MAP2: variants seen among roughly 807,000 people sequenced by gnomAD.
MAP2 encodes the protein microtubule-associated protein 2.
MAP2 carries 14 observed loss-of-function variants against 137.6 expected under a neutral mutation model. That is an observed-to-expected ratio of 0.10 (90% CI 0.07 to 0.16). MAP2 has a LOEUF of 0.16. Among genes scored for constraint, MAP2 ranks in the 10% least tolerant of loss-of-function variants. The probability of loss-of-function intolerance (pLI) is 1.00; values close to 1 mark genes in which losing one functional copy is unlikely to be tolerated. For missense variants in MAP2, 2,088 were observed against 2,191.5 expected (o/e 0.95, Z 0.94); for synonymous variants, 786 against 782.3 (o/e 1.00, Z -0.08).
intron 1 of MAP2, among the ~76,000 whole-genome samples, chr2:209,456,212 A>G (rs1457983602): frequency 1.3e-5 from 2 of 152,218 alleles, no homozygotes; most frequent in African/African-American, 4.8e-5. Flanking sequence ...GAAAGGATTT[A>G]TAAGATCTTC....
At chr2:209,655,843 A>G (rs1025210737) in intron 5 of MAP2, among the ~76,000 whole-genome samples, 7 of 152,230 alleles carry the variant, frequency 4.6e-5, no homozygotes. Context: ...CATCAGGTCC[A>G]CAGCTATATG....
chr2:209,626,048 A>G (rs905352282), intron 4 of MAP2, among the ~76,000 whole-genome samples: 2 of 152,172 alleles, frequency 1.3e-5, no homozygotes, highest in African/African-American at 4.8e-5. Context: ...AATTGGCCAC[A>G]GCAGTATTCA....
At position 209,693,133 on chromosome 2, in the gene MAP2, C is replaced by T; in HGVS notation, c.963C>T (p.Ser321=). ...TGCCAAGTCCCTTTCAAGGGGGAAGCTTCACTCTTCCTTTAGATGTCATGA... is the reference window on the plus strand; with the variant it reads ...TGCCAAGTCCCTTTCAAGGGGGAAGTTTCACTCTTCCTTTAGATGTCATGA... ...SPMPSPFQGG[S]FTLPLDVMKN... The change falls in exon 8 of 16, where the codon AGC becomes AGT. Residue 321 remains serine, a synonymous_variant. Coordinates refer to ENST00000682079, the MANE Select transcript of MAP2 (RefSeq NM_001375505.1). 1 of 1,611,638 alleles carries T rather than the reference C, an allele frequency of 6.2e-7. No homozygotes were observed. Among genetic ancestry groups the T allele is most frequent in the South Asian group, 1.1e-5 (1 of 90,546 alleles).
chr2:209,627,183 C>G (rs963573534), intron 4 of MAP2, among the ~76,000 whole-genome samples: 5 of 152,046 alleles, frequency 3.3e-5, no homozygotes, highest in South Asian at 2.1e-4. Context: ...AGTGAAATAT[C>G]TTGGTCTGGC....
intron 1 of MAP2, among the ~76,000 whole-genome samples, chr2:209,426,922 A>G (rs1232782362): frequency 6.6e-6 from 1 of 152,164 alleles, no homozygotes. Context: ...ATGTTGGTGT[A>G]TTTTTGTGTA....
intron 2 of MAP2, among the ~76,000 whole-genome samples, chr2:209,546,154 T>C (rs1416632866): frequency 6.6e-6 from 1 of 151,306 alleles, no homozygotes; most frequent in Non-Finnish European, 1.5e-5. Flanking sequence ...AAAAGAAAAA[T>C]AAAAAGAAAA....
At position 209,692,930 on chromosome 2, in the gene MAP2, A is replaced by G; in HGVS notation, c.760A>G (p.Lys254Glu). Residue 254 changes from lysine (K) to glutamate (E), a missense_variant, in exon 8 of 16, where the codon AAA becomes GAA. Lys to Glu is a moderately conservative substitution (Grantham distance 56). Around this residue, in one of 6 missense-constraint regions of MAP2, gnomAD observed 859 missense variants for 794.5 expected, o/e 1.08. Transcript: ENST00000682079. The part of the protein sequence containing the change: ...SLVVPGIDLP[K>E]EPPTPKEQKD... ...TGTAGTACCTGGCATTGACCTCCCT[A>G]AAGAGCCTCCAACTCCAAAAGAACA... 6.2e-7 allele frequency: 1 copy of G among 1,614,084 alleles called. No individual in the cohort carries two copies. Among genetic ancestry groups the G allele is most frequent in the Non-Finnish European group, 8.5e-7 (1 of 1,179,986 alleles).
intron 4 of MAP2, among the ~76,000 whole-genome samples, chr2:209,635,236 A>G (rs1384843814): frequency 6.6e-6 from 1 of 152,186 alleles, no homozygotes; most frequent in Admixed American, 6.5e-5. Context: ...TTCTTATTAA[A>G]GGAATCAATT....
intron 2 of MAP2, among the ~76,000 whole-genome samples, chr2:209,519,837 T>C (rs1276094064): frequency 2.0e-5 from 3 of 152,020 alleles, no homozygotes; most frequent in African/African-American, 4.8e-5. Flanking sequence ...AATGGAAAGA[T>C]TGAAGTAAGA....
intron 1 of MAP2, among the ~76,000 whole-genome samples, chr2:209,491,986 C>T (rs1366149947): frequency 5.9e-5 from 9 of 152,284 alleles, no homozygotes; most frequent in Non-Finnish European, 2.9e-5. Flanking sequence ...GGCAGAGACA[C>T]AACTAAACAA....
chr2:209,483,538 C>T lies in MAP2; in HGVS notation c.-221-24054C>T, dbSNP rs113392305. 6.0e-3 allele frequency among the ~76,000 whole-genome samples: 921 copies of T among 152,322 alleles called. 7 individuals are homozygous for T. Among genetic ancestry groups the T allele is most frequent in the African/African-American group, 0.021 (866 of 41,564 alleles). ...GCACTAAGCTATGATTTTGCCACCA[C>T]ACTCCAGCCTGGCTGATAGAGCGAG... On this transcript the variant is annotated intron_variant, in intron 1 of 15. Transcript: ENST00000682079.
chr2:209,627,080 T>C (rs2092431656), intron 4 of MAP2, among the ~76,000 whole-genome samples: 1 of 152,108 alleles, frequency 6.6e-6, no homozygotes, highest in African/African-American at 2.4e-5. Flanking sequence ...TATAACACAA[T>C]AATTAGAATC....
intron 11 of MAP2, among the ~76,000 whole-genome samples, chr2:209,704,957 T>C (rs1225154496): frequency 6.6e-6 from 1 of 150,956 alleles, no homozygotes; most frequent in Non-Finnish European, 1.5e-5. Flanking sequence ...AGTACAATAA[T>C]AACAAATTAC....
At chr2:209,575,518 CAAAAAAAAA>C (rs71043942) in intron 2 of MAP2, among the ~76,000 whole-genome samples, 5 of 28,374 alleles carry the variant, frequency 1.8e-4, no homozygotes, top group Non-Finnish European at 4.5e-4. Context: ...GACTCCATCT[CAAAAAAAAA>C]AAAAAAAAAA....
At chr2:209,610,508 G>A (rs555412236) in intron 3 of MAP2, among the ~76,000 whole-genome samples, 3 of 151,530 alleles carry the variant, frequency 2.0e-5, no homozygotes, top group Non-Finnish European at 2.9e-5. Context: ...TGGATGATAC[G>A]TTATCTTTTC....
At chr2:209,466,901 C>T (rs977388799) in intron 1 of MAP2, among the ~76,000 whole-genome samples, 6 of 152,140 alleles carry the variant, frequency 3.9e-5, no homozygotes, top group African/African-American at 1.4e-4. Context: ...CTCTCTTTTC[C>T]CACTAACCCC....
chr2:209,676,090 G>C (rs1351422067), intron 5 of MAP2, among the ~76,000 whole-genome samples: 1 of 151,750 alleles, frequency 6.6e-6, no homozygotes, highest in Non-Finnish European at 1.5e-5. Flanking sequence ...AGCTTCAAGA[G>C]TTGTGCATTG....
At chr2:209,611,167 A>G (rs1293881772) in intron 3 of MAP2, among the ~76,000 whole-genome samples, 1 of 152,164 alleles carries the variant, frequency 6.6e-6, no homozygotes, top group African/African-American at 2.4e-5. Flanking sequence ...ATAAGCTAAT[A>G]TCTTGAAAGC....
At chr2:209,708,996 T>A (rs998258179) in intron 12 of MAP2, among the ~76,000 whole-genome samples, 7 of 152,176 alleles carry the variant, frequency 4.6e-5, no homozygotes, top group African/African-American at 1.7e-4. Context: ...TATCATTCTT[T>A]CAGGAAAGTA....
Sources: allele counts gnomAD v4.1 joint callset (sites outside exome capture counted in the v4.1 genomes callset), GRCh38; gene constraint gnomAD v4.1.1; regional missense constraint gnomAD v4.1.1; transcripts MANE v1.5; gene names NCBI Gene and HGNC (gene_info 2026-07-23, HGNC 2026-07-21).